The following DZIP1 variants were observed in gnomAD, a reference collection of about 807,000 sequenced individuals.
DZIP1 encodes cilium assembly protein DZIP1.
Under a neutral mutation model 107.6 loss-of-function variants are expected in DZIP1, and 97 were observed. The observed-to-expected ratio is 0.90, with a 90% confidence interval of 0.77 to 1.07. The LOEUF (loss-of-function observed/expected upper bound fraction) is 1.07, where lower values mean the gene tolerates loss of function less well. Among genes scored for constraint, DZIP1 ranks in the 50% least tolerant of loss-of-function variants. The pLI, the probability that DZIP1 is intolerant of heterozygous loss-of-function variation, is 0.00. For missense variants in DZIP1, 1,035 were observed against 1,063.6 expected (o/e 0.97, Z 0.37); for synonymous variants, 390 against 386.4 (o/e 1.01, Z -0.11).
At chr13:95,615,038 A>G (rs1383295024) in intron 10 of DZIP1, among the ~76,000 whole-genome samples, 1 of 152,144 alleles carries the variant, frequency 6.6e-6, no homozygotes, top group Admixed American at 6.5e-5. Flanking sequence ...CAAAGAAGGG[A>G]GAGGTAAGCA....
chr13:95,634,674 T>G (rs1177304295), intron 5 of DZIP1, among the ~76,000 whole-genome samples: 1 of 152,250 alleles, frequency 6.6e-6, no homozygotes, highest in African/African-American at 2.4e-5. Flanking sequence ...CTGGATATTA[T>G]ATATTTCATT....
At chr13:95,586,209 T>C in intron 20 of DZIP1, 73 bp from the exon 21 acceptor site, 1 of 1,297,280 alleles carries the variant, frequency 7.7e-7, no homozygotes, top group Non-Finnish European at 1.0e-6. Context: ...AAAATAACCT[T>C]ACAGGAAACT....
intron 5 of DZIP1, among the ~76,000 whole-genome samples, chr13:95,638,085 C>CTTTTTTTT (rs57203833): frequency 2.3e-5 from 2 of 88,656 alleles, no homozygotes; most frequent in African/African-American, 7.4e-5. Context: ...TGAGTTCAAT[C>CTTTTTTTT]TTTTTTTTTT....
intron 9 of DZIP1, 116 bp from the exon 10 acceptor site, chr13:95,620,063 T>A: frequency 8.9e-7 from 1 of 1,123,462 alleles, no homozygotes; most frequent in East Asian, 2.4e-5. Context: ...TGGTAAAATT[T>A]TAGCTAGTGA....
intron 12 of DZIP1, among the ~76,000 whole-genome samples, chr13:95,609,886 T>C (rs1246136913): frequency 6.6e-6 from 1 of 152,024 alleles, no homozygotes; most frequent in Non-Finnish European, 1.5e-5. Flanking sequence ...ATCTCTCAAA[T>C]AGACAAAGAT....
chr13:95,636,196 C>CAA lies in DZIP1; in HGVS notation c.598-2877_598-2876dup, dbSNP rs35387094. On this transcript the variant is annotated intron_variant, in intron 5 of 22. Transcript: ENST00000376829. ...TGAGTTTAAAAAGAAAGATAAAATA[C>CAA]AAAAAAAAAAAAAAGATCTGAAACA... Among the ~76,000 whole-genome samples the CAA allele has an allele frequency of 2.0e-3, 267 of 135,160 alleles. 1 individual carries two copies. The highest frequency in any genetic ancestry group is 4.9e-3 in the South Asian group (21 of 4,264). 88.7% of individuals were successfully genotyped at this position (135,160 alleles called of 152,430 possible).
chr13:95,615,956 C>T (rs1875008285), intron 10 of DZIP1, among the ~76,000 whole-genome samples: 1 of 152,134 alleles, frequency 6.6e-6, no homozygotes, highest in African/African-American at 2.4e-5. Flanking sequence ...CTGGTTAAAT[C>T]AGCTTTCAAA....
intron 6 of DZIP1, among the ~76,000 whole-genome samples, chr13:95,632,038 C>T (rs1877258160): frequency 6.6e-6 from 1 of 152,214 alleles, no homozygotes; most frequent in Non-Finnish European, 1.5e-5. Context: ...TGACAACACA[C>T]TCCCCAGGTT....
At chr13:95,593,276 C>T (rs2044360882) in intron 16 of DZIP1, among the ~76,000 whole-genome samples, 2 of 152,178 alleles carry the variant, frequency 1.3e-5, no homozygotes, top group African/African-American at 4.8e-5. Flanking sequence ...TACATAGCTA[C>T]ATGCACACAT....
intron 3 of DZIP1, 102 bp from the exon 4 acceptor site, chr13:95,642,343 C>G (rs951385101): frequency 3.0e-6 from 1 of 331,056 alleles, no homozygotes; most frequent in African/African-American, 2.1e-5. Context: ...CGCCACCCTC[C>G]CTGGCGTTTG....
intron 14 of DZIP1, 82 bp from the exon 15 acceptor site, chr13:95,599,506 A>G: frequency 1.6e-6 from 2 of 1,220,112 alleles, no homozygotes; most frequent in Non-Finnish European, 2.4e-6. Context: ...ATTTTGAAAG[A>G]TATCATTCCA....
chr13:95,608,279 ATATAC>A (rs1243759120), intron 13 of DZIP1, among the ~76,000 whole-genome samples: 8 of 152,082 alleles, frequency 5.3e-5, no homozygotes, highest in African/African-American at 1.9e-4. Flanking sequence ...TGAATTTTAT[ATATAC>A]TATAATACAA....
chr13:95,584,552 CAAGT>C, intron 22 of DZIP1, 180 bp downstream of exon 22: 1 of 1,134,156 alleles, frequency 8.8e-7, no homozygotes, highest in Non-Finnish European at 1.1e-6. Context: ...ATAAAAATAA[CAAGT>C]AAATATATAT....
At chr13:95,630,157 A>G in intron 6 of DZIP1, 44 bp from the exon 7 acceptor site, 4 of 1,581,480 alleles carry the variant, frequency 2.5e-6, no homozygotes, top group Non-Finnish European at 3.4e-6. Context: ...CTCTTACCAA[A>G]TGTACCTGGA....
intron 14 of DZIP1, among the ~76,000 whole-genome samples, chr13:95,602,863 G>A: frequency 6.6e-6 from 1 of 152,182 alleles, no homozygotes; most frequent in Non-Finnish European, 1.5e-5. Context: ...AGAGGGGGAA[G>A]CCATCTTTCT....
At chr13:95,613,690 T>C (rs1874672810) in intron 10 of DZIP1, among the ~76,000 whole-genome samples, 1 of 152,154 alleles carries the variant, frequency 6.6e-6, no homozygotes, top group Non-Finnish European at 1.5e-5. Flanking sequence ...TTAACACTCA[T>C]TGTGTACTAG....
chr13:95,582,137 G>T lies in DZIP1; in HGVS notation c.*97C>A. On this transcript the variant is annotated 3_prime_UTR_variant, in exon 23 of 23. Coordinates refer to ENST00000376829, the MANE Select transcript of DZIP1 (RefSeq NM_198968.4). Reference sequence around the variant, plus strand: ...GTCTCTGTGTTGCTGTGGGAAACACGGTAAGGCAGAAGCACTAGAATCATG... The same window carrying T: ...GTCTCTGTGTTGCTGTGGGAAACACTGTAAGGCAGAAGCACTAGAATCATG... 8.6e-7 allele frequency: 1 copy of T among 1,162,850 alleles called. No individual in the cohort carries two copies. Among genetic ancestry groups the T allele is most frequent in the Non-Finnish European group, 1.3e-6 (1 of 777,266 alleles). The allele number at this position is 1,162,850 out of a possible 1,614,324, so 72.0% of individuals were successfully genotyped here.
intron 12 of DZIP1, among the ~76,000 whole-genome samples, chr13:95,609,795 A>T (rs1234479238): frequency 6.6e-6 from 1 of 152,128 alleles, no homozygotes; most frequent in Non-Finnish European, 1.5e-5. Context: ...AGGGAACAAC[A>T]ACCCTCTTTC....
At chr13:95,582,710 G>A (rs750297838) in intron 22 of DZIP1, among the ~76,000 whole-genome samples, 5 of 152,332 alleles carry the variant, frequency 3.3e-5, no homozygotes, top group East Asian at 3.9e-4. Flanking sequence ...AGCAAGCCAA[G>A]TAAAGTGTTA....
Sources: gnomAD v4.1 joint callset for allele counts (sites outside exome capture counted in the v4.1 genomes callset) on GRCh38, gnomAD v4.1.1 for gene constraint, MANE v1.5 for transcripts, NCBI Gene and HGNC (gene_info 2026-07-23, HGNC 2026-07-21) for gene names.